Variants in NRXN1 observed in about 807,000 individuals in gnomAD.
NRXN1 encodes the protein neurexin-1.
A neutral mutation model predicts 150.9 loss-of-function variants in NRXN1; 39 were observed. The ratio of observed to expected loss-of-function variants is 0.26; its 90% CI spans 0.20 to 0.34. The LOEUF is 0.34. Ranked by LOEUF, NRXN1 falls within the 10% of genes least tolerant of loss-of-function variation. The pLI is 1.00. For missense variants in NRXN1, 1,815 were observed against 1,949.9 expected (o/e 0.93, Z 1.30); for synonymous variants, 924 against 757.0 (o/e 1.22, Z -3.62).
At position 50,383,292 on chromosome 2, in the gene NRXN1, C is replaced by A. The variant is rs543094431; in HGVS notation, c.3364+82150G>T. On this transcript the variant is annotated intron_variant, in intron 17 of 22. Transcript: ENST00000401669. ...TAGAAGATACTTGGAACCCAGGTAT[C>A]ACGCGGCCTGTTTTCCATTCAGATT... Among the ~76,000 whole-genome samples, 3 of 152,210 alleles carry A rather than the reference C, an allele frequency of 2.0e-5. No homozygotes were observed. In the South Asian group the frequency reaches 6.2e-4, roughly 32 times the overall value.
intron 16 of NRXN1, among the ~76,000 whole-genome samples, chr2:50,470,625 T>C (rs2089367187): frequency 6.6e-6 from 1 of 151,788 alleles, no homozygotes; most frequent in Admixed American, 6.6e-5. Flanking sequence ...GGGACAGGAA[T>C]TCAAATTTCT....
intron 17 of NRXN1, among the ~76,000 whole-genome samples, chr2:50,438,958 A>G (rs965874584): frequency 1.3e-5 from 2 of 152,238 alleles, no homozygotes; most frequent in Admixed American, 6.5e-5. Context: ...TATAGTCACT[A>G]TGGAAAGTTG....
intron 21 of NRXN1, among the ~76,000 whole-genome samples, chr2:50,051,421 A>G (rs889139258): frequency 6.6e-6 from 1 of 152,064 alleles, no homozygotes; most frequent in African/African-American, 2.4e-5. Context: ...TTATATTCAT[A>G]AAAGCATTCC....
At chr2:50,377,730 C>T (rs1191274083) in intron 17 of NRXN1, among the ~76,000 whole-genome samples, 1 of 152,046 alleles carries the variant, frequency 6.6e-6, no homozygotes, top group Non-Finnish European at 1.5e-5. Flanking sequence ...TCACTACGTA[C>T]TTATGAAATT....
intron 17 of NRXN1, among the ~76,000 whole-genome samples, chr2:50,279,620 C>A (rs556773525): frequency 6.6e-6 from 1 of 152,144 alleles, no homozygotes; most frequent in East Asian, 1.9e-4. Flanking sequence ...TCTGATGAAG[C>A]TTTATAAGTA....
At chr2:50,265,989 ATTATTATTATTTATTTT>A (rs1467286404) in intron 17 of NRXN1, among the ~76,000 whole-genome samples, 11 of 93,706 alleles carry the variant, frequency 1.2e-4, no homozygotes, top group East Asian at 2.4e-4. Context: ...TATTATTATT[ATTATTATTATTTATTTT>A]TTTTTTTTTT....
At chr2:49,975,682 T>TA (rs1216846083) in intron 21 of NRXN1, among the ~76,000 whole-genome samples, 1 of 152,130 alleles carries the variant, frequency 6.6e-6, no homozygotes, top group Non-Finnish European at 1.5e-5. Context: ...ACTTTATTCT[T>TA]AAAAAATATT....
intron 21 of NRXN1, among the ~76,000 whole-genome samples, chr2:50,014,736 C>T (rs1686284987): frequency 6.6e-6 from 1 of 152,066 alleles, no homozygotes; most frequent in Non-Finnish European, 1.5e-5. Flanking sequence ...TTTAAAGCCT[C>T]CCTGTGAACT....
chr2:50,868,141 TTATATATATATATATATATATATATA>T (rs70958631), intron 5 of NRXN1, among the ~76,000 whole-genome samples: 5,273 of 87,740 alleles, frequency 0.06, 292 homozygotes, highest in Admixed American at 0.088. Flanking sequence ...AAACAAAATA[TTATATATATATATATATATATATATA>T]TATATATATA....
chr2:50,548,883 G>A (rs2093552770), intron 9 of NRXN1, among the ~76,000 whole-genome samples: 1 of 151,970 alleles, frequency 6.6e-6, no homozygotes, highest in African/African-American at 2.4e-5. Context: ...AGAAAGAATT[G>A]CTCTTAGGCG....
At chr2:50,407,330 C>T (rs1572857359) in intron 17 of NRXN1, among the ~76,000 whole-genome samples, 1 of 152,224 alleles carries the variant, frequency 6.6e-6, no homozygotes, top group South Asian at 2.1e-4. Context: ...TGCTACTTTT[C>T]TGTTCAAAAT....
intron 5 of NRXN1, among the ~76,000 whole-genome samples, chr2:50,671,398 A>T (rs925520186): frequency 1.3e-5 from 2 of 151,670 alleles, no homozygotes; most frequent in African/African-American, 4.8e-5. Flanking sequence ...CAGTAGCTGA[A>T]TATGGCAAAA....
At chr2:51,021,483 T>C (rs918533645) in intron 2 of NRXN1, among the ~76,000 whole-genome samples, 11 of 151,988 alleles carry the variant, frequency 7.2e-5, no homozygotes, top group Non-Finnish European at 1.2e-4. Context: ...AGGATAACTA[T>C]ACTTTTAGTA....
intron 5 of NRXN1, among the ~76,000 whole-genome samples, chr2:50,894,525 T>C (rs1194170176): frequency 8.6e-5 from 13 of 151,950 alleles, no homozygotes; most frequent in Admixed American, 7.9e-4. Flanking sequence ...ATTAATATAT[T>C]CTATACACAA....
intron 8 of NRXN1, among the ~76,000 whole-genome samples, chr2:50,613,159 T>G (rs1678469301): frequency 6.6e-6 from 1 of 152,144 alleles, no homozygotes. Flanking sequence ...GAAAAAAAAT[T>G]TCTTTCTATA....
intron 5 of NRXN1, among the ~76,000 whole-genome samples, chr2:50,897,802 G>A (rs1177459285): frequency 1.3e-5 from 2 of 152,248 alleles, no homozygotes; most frequent in Non-Finnish European, 2.9e-5. Flanking sequence ...CACAATCTTT[G>A]GAAATGTTCT....
At chr2:50,480,953 T>C (rs960264153) in intron 15 of NRXN1, among the ~76,000 whole-genome samples, 2 of 152,220 alleles carry the variant, frequency 1.3e-5, no homozygotes, top group African/African-American at 2.4e-5. Context: ...TAATAATAAC[T>C]GACATGAGTT....
intron 18 of NRXN1, among the ~76,000 whole-genome samples, chr2:50,133,790 A>G (rs1705938882): frequency 6.6e-6 from 1 of 152,160 alleles, no homozygotes; most frequent in Non-Finnish European, 1.5e-5. Flanking sequence ...CTATTAACAG[A>G]TTAAAAAACT....
intron 17 of NRXN1, among the ~76,000 whole-genome samples, chr2:50,241,999 C>T (rs1404145311): frequency 2.6e-5 from 4 of 151,888 alleles, no homozygotes; most frequent in East Asian, 1.9e-4. Flanking sequence ...GCTTCTAACT[C>T]ATAACATAAG....
Sources: gnomAD v4.1 joint callset for allele counts (sites outside exome capture counted in the v4.1 genomes callset) on GRCh38, gnomAD v4.1.1 for gene constraint, MANE v1.5 for transcripts, NCBI Gene and HGNC (gene_info 2026-07-23, HGNC 2026-07-21) for gene names.